The following TRIM58 variants were observed in gnomAD, a reference collection of about 807,000 sequenced individuals.
TRIM58 encodes the protein E3 ubiquitin-protein ligase TRIM58.
Under a neutral mutation model 34.1 loss-of-function variants are expected in TRIM58, and 38 were observed. The observed-to-expected ratio is 1.12, with a 90% CI of 0.86 to 1.46. TRIM58 has a LOEUF of 1.46. Among genes scored for constraint, TRIM58 ranks in the 40% most tolerant of loss-of-function variants. The pLI, the probability that TRIM58 is intolerant of heterozygous loss-of-function variation, is 0.00. For synonymous variants in TRIM58, 273 were observed against 275.7 expected, an observed-to-expected ratio of 0.99 and a Z score of 0.10; for missense variants, 677 against 642.0, an observed-to-expected ratio of 1.05 and a Z score of -0.59.
chr1:247,879,230 G>A lies in TRIM58; in HGVS notation c.*2741G>A, dbSNP rs1345186187. Among the ~76,000 whole-genome samples the A allele has an allele frequency of 3.3e-5, 5 of 152,266 alleles. No homozygotes were observed. Among genetic ancestry groups the A allele is most frequent in the South Asian group, 2.1e-4 (1 of 4,826 alleles). On this transcript the variant is annotated 3_prime_UTR_variant, in exon 6 of 6. Coordinates refer to ENST00000366481, the MANE Select transcript of TRIM58 (RefSeq NM_015431.4). ...TTTTGATTGCTTAAGCCAGGCATCC[G>A]ATTGAGTACTTTCTTGATTTCTCCA... is the stretch of plus-strand genomic sequence containing the variant.
chr1:247,866,775 A>G (rs1240656688), intron 3 of TRIM58, among the ~76,000 whole-genome samples: 3 of 151,764 alleles, frequency 2.0e-5, no homozygotes, highest in African/African-American at 4.8e-5. Flanking sequence ...GCTAATTTAA[A>G]ACAAATTTTT....
intron 5 of TRIM58, among the ~76,000 whole-genome samples, chr1:247,870,059 G>T (rs1659066714): frequency 6.6e-6 from 1 of 152,100 alleles, no homozygotes; most frequent in South Asian, 2.1e-4. Flanking sequence ...GTCTGTCCAG[G>T]TGTATTGATA....
intron 2 of TRIM58, among the ~76,000 whole-genome samples, chr1:247,862,445 G>A (rs1461052017): frequency 6.6e-6 from 1 of 152,136 alleles, no homozygotes; most frequent in Non-Finnish European, 1.5e-5. Flanking sequence ...AGTGGCAATG[G>A]AGATAAAAAG....
chr1:247,863,364 C>T (rs1359727508), intron 2 of TRIM58, among the ~76,000 whole-genome samples: 1 of 151,926 alleles, frequency 6.6e-6, no homozygotes, highest in Non-Finnish European at 1.5e-5. Context: ...ACGGTGAAAC[C>T]CTGTCTCTAC....
chr1:247,868,732 A>G (rs555175824), intron 5 of TRIM58, among the ~76,000 whole-genome samples: 9 of 152,306 alleles, frequency 5.9e-5, no homozygotes, highest in African/African-American at 1.9e-4. Flanking sequence ...TTAGGGACAC[A>G]TATTTACTCA....
chr1:247,859,590 T>A (rs1663731634), intron 1 of TRIM58, among the ~76,000 whole-genome samples: 2 of 152,128 alleles, frequency 1.3e-5, no homozygotes, highest in African/African-American at 4.8e-5. Flanking sequence ...GTTCTCATTG[T>A]ATTTTTACTC....
intron 3 of TRIM58, among the ~76,000 whole-genome samples, chr1:247,866,729 A>C (rs1410610555): frequency 6.6e-6 from 1 of 152,142 alleles, no homozygotes; most frequent in African/African-American, 2.4e-5. Flanking sequence ...CAGCCTCCCG[A>C]GTAGCTGGGA....
intron 2 of TRIM58, among the ~76,000 whole-genome samples, chr1:247,861,399 C>T (rs778122601): frequency 4.6e-5 from 7 of 152,128 alleles, no homozygotes; most frequent in African/African-American, 7.2e-5. Context: ...GTGCAGTGCA[C>T]CTGTCATCTA....
intron 5 of TRIM58, among the ~76,000 whole-genome samples, chr1:247,873,304 G>C (rs976741646): frequency 2.0e-5 from 3 of 152,168 alleles, no homozygotes; most frequent in African/African-American, 7.2e-5. Context: ...GCGCAGTTTG[G>C]TTGGGGTATG....
rs1572572542 is a variant in TRIM58, at chr1:247,864,829, G to A, written c.641G>A (p.Arg214Lys). The stretch of plus-strand genomic sequence containing the variant: ...GCGGAGGAGCGAGCGACGCTGCAGA[G>A]ACTGCGGGAGAGCAAGAGCCGGCTG... ...LEAEERATLQRLRESKSRLVQ... is the reference protein window; with the variant it reads ...LEAEERATLQKLRESKSRLVQ... Residue 214 changes from arginine to lysine, a missense_variant, in exon 3 of 6, where the codon AGA (arginine) becomes AAA (lysine). Transcript: ENST00000366481. 2 of 1,613,612 alleles carry A rather than the reference G, an allele frequency of 1.2e-6. No individual in the cohort carries two copies. The highest frequency in any genetic ancestry group is 2.2e-5 in the South Asian group (2 of 91,002).
At chr1:247,873,003 G>A (rs1296844927) in intron 5 of TRIM58, among the ~76,000 whole-genome samples, 1 of 152,170 alleles carries the variant, frequency 6.6e-6, no homozygotes, top group Non-Finnish European at 1.5e-5. Context: ...GGCCGAGGCG[G>A]GCAGATCACC....
intron 5 of TRIM58, 69 bp from the exon 6 acceptor site, chr1:247,875,831 T>C: frequency 7.3e-7 from 1 of 1,370,994 alleles, no homozygotes; most frequent in Admixed American, 2.2e-5. Context: ...ACTATTCTTT[T>C]CAGTGGTTTC....
chr1:247,867,157 A>G (rs1663949529), intron 3 of TRIM58, among the ~76,000 whole-genome samples: 2 of 152,176 alleles, frequency 1.3e-5, no homozygotes, highest in African/African-American at 4.8e-5. Context: ...GGTTCAGAGA[A>G]TTAGGAATTT....
intron 1 of TRIM58, among the ~76,000 whole-genome samples, 190 bp downstream of exon 1, chr1:247,857,856 C>G (rs1186786420): frequency 6.6e-6 from 1 of 152,120 alleles, no homozygotes; most frequent in African/African-American, 2.4e-5. Context: ...TGGTAACCCC[C>G]TTTGCGACAC....
chr1:247,868,053 G>A lies in TRIM58; in HGVS notation c.861G>A (p.Arg287=), dbSNP rs1336957439. The change falls in exon 5 of 6, where the codon AGG becomes AGA. Residue 287 remains arginine, a synonymous_variant. Transcript: ENST00000366481. ...TCCCTGGGAGGAGGGAGCTCTTAAG[G>A]AAGTTCCAAGGTAGTTGCATCTTAG... ...CCIPGRRELL[R]KFQVDVKLDP... 1 of 1,605,728 alleles carries A rather than the reference G, an allele frequency of 6.2e-7. No homozygotes were observed. Among genetic ancestry groups the A allele is most frequent in the Non-Finnish European group, 8.5e-7 (1 of 1,176,818 alleles).
intron 2 of TRIM58, 59 bp downstream of exon 2, chr1:247,860,771 A>C (rs3737276): frequency 0.27 from 359,188 of 1,318,856 alleles, 50,250 homozygotes; most frequent in African/African-American, 0.37. Flanking sequence ...GATTCGGGTC[A>C]GTAATTCTTC....
intron 3 of TRIM58, among the ~76,000 whole-genome samples, chr1:247,866,756 C>G (rs975228465): frequency 1.3e-5 from 2 of 152,056 alleles, no homozygotes; most frequent in African/African-American, 2.4e-5. Context: ...GTGTGCACCA[C>G]CACGCCCAGC....
At chr1:247,859,609 G>T (rs72772790) in intron 1 of TRIM58, among the ~76,000 whole-genome samples, 31,131 of 151,726 alleles carry the variant, frequency 0.21, 3,333 homozygotes, top group Non-Finnish European at 0.22. Context: ...TCATTGCAAG[G>T]TTTACAACAT....
In TRIM58 at chr1:247,878,295, A is replaced by C. The variant is rs1659335773; in HGVS notation, c.*1806A>C. 2 of 152,210 alleles carry C rather than the reference A, an allele frequency of 1.3e-5. No individual in the cohort carries two copies. 9.4% of individuals were successfully genotyped at this position (152,210 alleles called of 1,614,324 possible). A position where few individuals can be genotyped will look rare whatever the true frequency, so the allele number is the denominator to read the frequency against. ...ATGGCAAATTATTTAACATTATCTG[A>C]TAATAATCTGCAGAAGGTTTAATTT... On this transcript the variant is annotated 3_prime_UTR_variant, in exon 6 of 6. Coordinates refer to ENST00000366481, the MANE Select transcript of TRIM58 (RefSeq NM_015431.4).
Sources: allele counts gnomAD v4.1 joint callset (sites outside exome capture counted in the v4.1 genomes callset), GRCh38; gene constraint gnomAD v4.1.1; transcripts MANE v1.5; gene names NCBI Gene and HGNC (gene_info 2026-07-23, HGNC 2026-07-21).